MED13L: variants seen among roughly 807,000 people sequenced by gnomAD.
MED13L encodes the protein mediator of RNA polymerase II transcription subunit 13-like.
MED13L carries 7 observed loss-of-function variants against 220.9 expected under a neutral mutation model. The ratio of observed to expected loss-of-function variants is 0.03; its 90% CI spans 0.02 to 0.06. The LOEUF is 0.06. Among genes scored for constraint, MED13L ranks in the 10% least tolerant of loss-of-function variants. The probability of loss-of-function intolerance (pLI) is 1.00; values close to 1 mark genes in which losing one functional copy is unlikely to be tolerated. For missense variants in MED13L, 1,965 were observed against 2,760.5 expected (o/e 0.71, Z 6.46); for synonymous variants, 1,011 against 1,015.2 (o/e 1.00, Z 0.08).
chr12:116,157,297 T>C (rs1878512442), intron 2 of MED13L, among the ~76,000 whole-genome samples: 1 of 152,174 alleles, frequency 6.6e-6, no homozygotes, highest in African/African-American at 2.4e-5. Flanking sequence ...AGAATTTACT[T>C]GATTTACTTA....
chr12:116,029,701 T>C (rs1308540611), intron 4 of MED13L, among the ~76,000 whole-genome samples: 2 of 152,150 alleles, frequency 1.3e-5, no homozygotes, highest in Non-Finnish European at 2.9e-5. Flanking sequence ...ATCATGAACA[T>C]GTACACAGCC....
chr12:116,253,993 T>A (rs1009508688), intron 1 of MED13L, among the ~76,000 whole-genome samples: 1 of 151,982 alleles, frequency 6.6e-6, no homozygotes, highest in Non-Finnish European at 1.5e-5. Context: ...ACCCCTGACC[T>A]CAAGTGATCC....
intron 5 of MED13L, among the ~76,000 whole-genome samples, chr12:116,020,902 G>A (rs1880022175): frequency 6.6e-6 from 1 of 151,994 alleles, no homozygotes; most frequent in Admixed American, 6.6e-5. Context: ...TAAAGAGCTA[G>A]ATCATATGTC....
At chr12:116,047,625 A>G (rs1881919156) in intron 4 of MED13L, among the ~76,000 whole-genome samples, 1 of 152,224 alleles carries the variant, frequency 6.6e-6, no homozygotes, top group African/African-American at 2.4e-5. Context: ...ATAGAGGCTG[A>G]TGATAACGGT....
intron 2 of MED13L, among the ~76,000 whole-genome samples, chr12:116,149,248 T>G (rs1385331434): frequency 6.6e-6 from 1 of 152,202 alleles, no homozygotes; most frequent in East Asian, 1.9e-4. Context: ...CTAGAACTTC[T>G]CATATTTTGT....
chr12:116,251,610 A>T (rs1163150860), intron 1 of MED13L, among the ~76,000 whole-genome samples: 1 of 151,336 alleles, frequency 6.6e-6, no homozygotes, highest in Non-Finnish European at 1.5e-5. Context: ...AAAATATAAA[A>T]CATTAGCCAG....
chr12:116,117,337 C>T (rs1251131806), intron 2 of MED13L, among the ~76,000 whole-genome samples: 2 of 152,116 alleles, frequency 1.3e-5, no homozygotes, highest in South Asian at 2.1e-4. Flanking sequence ...TGATGCCCCC[C>T]ACTCTATATC....
intron 1 of MED13L, among the ~76,000 whole-genome samples, chr12:116,252,582 A>G (rs1225882506): frequency 2.0e-5 from 3 of 152,090 alleles, no homozygotes; most frequent in Non-Finnish European, 2.9e-5. Flanking sequence ...CTAAGCATCT[A>G]CCCTCAGAAG....
intron 2 of MED13L, among the ~76,000 whole-genome samples, chr12:116,212,281 A>T (rs1274931811): frequency 6.6e-6 from 1 of 152,204 alleles, no homozygotes; most frequent in Non-Finnish European, 1.5e-5. Flanking sequence ...ATATCCTCTT[A>T]GAAACAAACC....
intron 1 of MED13L, among the ~76,000 whole-genome samples, chr12:116,267,049 C>A (rs1872886899): frequency 6.6e-6 from 1 of 152,100 alleles, no homozygotes; most frequent in African/African-American, 2.4e-5. Flanking sequence ...CCTGACATTC[C>A]CTGAGACAAA....
intron 2 of MED13L, among the ~76,000 whole-genome samples, chr12:116,138,582 G>A (rs1417691931): frequency 6.6e-6 from 1 of 152,202 alleles, no homozygotes; most frequent in Non-Finnish European, 1.5e-5. Context: ...AAATTAAGCT[G>A]CTGCTGTCTT....
chr12:116,008,286 G>T, intron 10 of MED13L, 115 bp downstream of exon 10: 1 of 1,396,840 alleles, frequency 7.2e-7, no homozygotes, highest in Non-Finnish European at 9.6e-7. Flanking sequence ...CCGGAGTCAA[G>T]AAGGACAAAG....
At chr12:116,152,628 TG>T (rs796403954) in intron 2 of MED13L, among the ~76,000 whole-genome samples, 4 of 151,912 alleles carry the variant, frequency 2.6e-5, no homozygotes, top group Admixed American at 1.3e-4. Context: ...CCCAATGGCG[TG>T]GGGGGGAAAG....
rs112840764 is a variant in MED13L, at chr12:116,059,074, C to CT, written c.480-36474dup. ...ATCAAGTCTGCTTAAACACATTTTT[C>CT]TTTTTTTTGTTAAGACAGGGTCTCG... On this transcript the variant is annotated intron_variant, in intron 4 of 30. Transcript: ENST00000281928. Among the ~76,000 whole-genome samples, 1,225 of 152,074 alleles carry CT rather than the reference C, an allele frequency of 8.1e-3. 23 individuals are homozygous for CT. Among genetic ancestry groups the CT allele is most frequent in the African/African-American group, 0.028 (1,151 of 41,508 alleles).
chr12:116,219,792 T>C (rs1830522660), intron 2 of MED13L, among the ~76,000 whole-genome samples: 1 of 152,018 alleles, frequency 6.6e-6, no homozygotes, highest in African/African-American at 2.4e-5. Context: ...GCCAGTTTTT[T>C]TGTTTTATTT....
At chr12:116,147,204 A>G (rs1877598696) in intron 2 of MED13L, among the ~76,000 whole-genome samples, 1 of 152,244 alleles carries the variant, frequency 6.6e-6, no homozygotes, top group Non-Finnish European at 1.5e-5. Flanking sequence ...CAAGCTTCTT[A>G]GCTTTTCCTA....
At chr12:116,086,693 G>T (rs912172380) in intron 4 of MED13L, among the ~76,000 whole-genome samples, 10 of 152,134 alleles carry the variant, frequency 6.6e-5, no homozygotes, top group African/African-American at 1.9e-4. Context: ...CTCAGAGACA[G>T]ATCTAATAAT....
chr12:116,097,592 C>A (rs1409224330), intron 3 of MED13L, among the ~76,000 whole-genome samples: 4 of 152,078 alleles, frequency 2.6e-5, no homozygotes, highest in Non-Finnish European at 4.4e-5. Context: ...TTTTTGTAGG[C>A]ACAATAAAGG....
At chr12:116,253,941 A>T (rs2138529822) in intron 1 of MED13L, among the ~76,000 whole-genome samples, 1 of 151,738 alleles carries the variant, frequency 6.6e-6, no homozygotes, top group South Asian at 2.1e-4. Context: ...TTGTATTTTT[A>T]GTAGAGACGG....
Sources: gnomAD v4.1 joint callset for allele counts (sites outside exome capture counted in the v4.1 genomes callset) on GRCh38, gnomAD v4.1.1 for gene constraint, MANE v1.5 for transcripts, NCBI Gene and HGNC (gene_info 2026-07-23, HGNC 2026-07-21) for gene names.